Variants in MED12L observed in about 807,000 individuals in gnomAD.
MED12L encodes the protein mediator of RNA polymerase II transcription subunit 12-like protein.
MED12L carries 60 observed loss-of-function variants against 281.3 expected under a neutral mutation model. The observed-to-expected ratio is 0.21, with a 90% confidence interval of 0.17 to 0.26. The LOEUF (loss-of-function observed/expected upper bound fraction) is 0.26. Among genes scored for constraint, MED12L ranks in the 10% least tolerant of loss-of-function variants. The probability of loss-of-function intolerance (pLI) is 1.00; values close to 1 mark genes in which losing one functional copy is unlikely to be tolerated. For missense variants in MED12L, 2,146 were observed against 2,680.9 expected, an observed-to-expected ratio of 0.80 and a Z score of 4.41; for synonymous variants, 974 against 987.2, an observed-to-expected ratio of 0.99 and a Z score of 0.25.
intron 2 of MED12L, among the ~76,000 whole-genome samples, chr3:151,089,448 C>G (rs1246154949): frequency 1.3e-5 from 2 of 148,532 alleles, no homozygotes; most frequent in Admixed American, 6.8e-5. Context: ...AATTGTGTGG[C>G]CTTGGGCAAG....
At chr3:151,314,105 A>G (rs1212753088) in intron 16 of MED12L, among the ~76,000 whole-genome samples, 2 of 152,226 alleles carry the variant, frequency 1.3e-5, no homozygotes, top group Admixed American at 6.5e-5. Flanking sequence ...AAAATGATGG[A>G]AATCATTAGA....
intron 16 of MED12L, among the ~76,000 whole-genome samples, chr3:151,245,855 G>T (rs1453834795): frequency 2.6e-5 from 4 of 151,410 alleles, no homozygotes; most frequent in Admixed American, 1.3e-4. Context: ...CGACATGATT[G>T]TATATCTAGA....
chr3:151,221,064 A>G (rs1249316783), intron 16 of MED12L, among the ~76,000 whole-genome samples: 1 of 152,200 alleles, frequency 6.6e-6, no homozygotes, highest in African/African-American at 2.4e-5. Context: ...ACTTGTTGGG[A>G]AATGGAGCAA....
chr3:151,206,419 C>CT (rs1347205753), intron 16 of MED12L, among the ~76,000 whole-genome samples: 5 of 151,658 alleles, frequency 3.3e-5, no homozygotes, highest in Non-Finnish European at 5.9e-5. Context: ...GGTTGTCTGC[C>CT]TTTTTGTTGA....
intron 16 of MED12L, chr3:151,328,194 C>T (rs1749883581): frequency 1.9e-6 from 3 of 1,612,926 alleles, no homozygotes; most frequent in Non-Finnish European, 2.5e-6. Flanking sequence ...AGTCTACAGT[C>T]AGTCTTATTG....
chr3:151,366,623 GT>G (rs2107930513), intron 23 of MED12L, among the ~76,000 whole-genome samples: 1 of 152,192 alleles, frequency 6.6e-6, no homozygotes, highest in South Asian at 2.1e-4. Context: ...TATTGGAGTA[GT>G]CTTTGTCGTA....
At chr3:151,103,582 T>C (rs967784046) in intron 2 of MED12L, among the ~76,000 whole-genome samples, 1 of 152,236 alleles carries the variant, frequency 6.6e-6, no homozygotes, top group Non-Finnish European at 1.5e-5. Context: ...TTTTGGGCCA[T>C]ATGTGCTGGT....
At chr3:151,407,483 G>A (rs1473471299) in intron 39 of MED12L, among the ~76,000 whole-genome samples, 1 of 152,196 alleles carries the variant, frequency 6.6e-6, no homozygotes, top group Non-Finnish European at 1.5e-5. Flanking sequence ...CAGGGACCTT[G>A]TATGATGCTA....
chr3:151,333,317 C>T (rs922740386), intron 16 of MED12L, among the ~76,000 whole-genome samples: 3 of 152,160 alleles, frequency 2.0e-5, no homozygotes, highest in African/African-American at 7.2e-5. Flanking sequence ...TTGAGAAAAG[C>T]CAAACTGCTT....
intron 16 of MED12L, among the ~76,000 whole-genome samples, chr3:151,254,253 CTG>C (rs1737396984): frequency 2.0e-5 from 3 of 152,186 alleles, no homozygotes; most frequent in South Asian, 4.1e-4. Context: ...ATTTAGCTCA[CTG>C]TGCACGTTTC....
At chr3:151,244,678 A>G (rs1229394962) in intron 16 of MED12L, among the ~76,000 whole-genome samples, 6 of 151,252 alleles carry the variant, frequency 4.0e-5, no homozygotes, top group Non-Finnish European at 8.9e-5. Context: ...AAGATCCAAA[A>G]TTGACACCCT....
chr3:151,365,896 A>G lies in MED12L; in HGVS notation c.3232A>G (p.Thr1078Ala). Residue 1078 changes from threonine to alanine, a missense_variant, in exon 23 of 45, where the codon ACT (threonine) becomes GCT (alanine). Thr to Ala is a moderately conservative substitution (Grantham distance 58). Around this residue, in one of 9 missense-constraint regions of MED12L, gnomAD observed 404 missense variants for 603.5 expected, o/e 0.67. Coordinates refer to ENST00000687756, the MANE Select transcript of MED12L (RefSeq NM_001393769.1). ...CTCCTCTGAGCTTACGGCTTGCTGC[A>G]CTGTTCTTAGTTCAGAATGGCTGGG... ...NFSSELTACC[T>A]VLSSEWLGVL... The G allele has an allele frequency of 6.2e-7, 1 of 1,613,532 alleles. No homozygotes were observed. The highest frequency in any genetic ancestry group is 8.5e-7 in the Non-Finnish European group (1 of 1,179,660).
At chr3:151,346,733 CTAAACA>C (rs1240352861) in intron 16 of MED12L, among the ~76,000 whole-genome samples, 2 of 152,198 alleles carry the variant, frequency 1.3e-5, no homozygotes, top group African/African-American at 4.8e-5. Context: ...CCCTTCTTCC[CTAAACA>C]TAATGTGAAG....
chr3:151,090,786 T>G (rs1039840285), intron 2 of MED12L, among the ~76,000 whole-genome samples: 1 of 152,160 alleles, frequency 6.6e-6, no homozygotes, highest in Non-Finnish European at 1.5e-5. Context: ...ATGCCTGTAA[T>G]CCCATCACTT....
intron 11 of MED12L, among the ~76,000 whole-genome samples, chr3:151,170,944 C>G (rs926782482): frequency 6.6e-6 from 1 of 152,102 alleles, no homozygotes; most frequent in African/African-American, 2.4e-5. Flanking sequence ...TGCTTGGGAT[C>G]CACTGTTCCC....
intron 13 of MED12L, 125 bp downstream of exon 13, chr3:151,188,605 C>CATTATACATAA: frequency 2.1e-6 from 2 of 945,200 alleles, no homozygotes; most frequent in South Asian, 4.8e-5. Flanking sequence ...GTATGTTTTA[C>CATTATACATAA]TGAGCAAAAT....
At chr3:151,173,625 C>T (rs1012354577) in intron 11 of MED12L, among the ~76,000 whole-genome samples, 2 of 152,188 alleles carry the variant, frequency 1.3e-5, no homozygotes, top group South Asian at 2.1e-4. Flanking sequence ...AAGTTGAGCA[C>T]GCTGGCCTTG....
In MED12L at chr3:151,436,189, C is replaced by G. The variant is rs1476506492; in HGVS notation, c.*3385C>G. 6.5e-6 allele frequency: 1 copy of G among 152,966 alleles called. No homozygotes were observed. Among genetic ancestry groups the G allele is most frequent in the African/African-American group, 2.4e-5 (1 of 41,404 alleles). 9.5% of individuals were successfully genotyped at this position (152,966 alleles called of 1,614,324 possible). On this transcript the variant is annotated 3_prime_UTR_variant, in exon 45 of 45. Transcript: ENST00000687756. ...TGTGAACAAATGGTGAATCATAAGA[C>G]AGTTCAGTGCTTATTTTCTGTAGGT...
chr3:151,100,542 T>G (rs879910639), intron 2 of MED12L, among the ~76,000 whole-genome samples: 12 of 152,248 alleles, frequency 7.9e-5, no homozygotes, highest in Non-Finnish European at 1.3e-4. Flanking sequence ...GCTGAGGCAG[T>G]GCTAAATAAT....
Sources: gnomAD v4.1 joint callset for allele counts (sites outside exome capture counted in the v4.1 genomes callset) on GRCh38, gnomAD v4.1.1 for gene constraint, gnomAD v4.1.1 regional missense constraint, MANE v1.5 for transcripts, NCBI Gene and HGNC (gene_info 2026-07-23, HGNC 2026-07-21) for gene names.